Variants in CPNE8 observed in about 807,000 individuals in gnomAD.
The protein encoded by CPNE8 is copine 8.
A neutral mutation model predicts 81.5 loss-of-function variants in CPNE8; 45 were observed. The observed-to-expected ratio is 0.55, with a 90% CI of 0.44 to 0.71. The LOEUF is 0.71. Ranked by LOEUF, CPNE8 falls within the 30% of genes least tolerant of loss-of-function variation. The probability of loss-of-function intolerance (pLI) is 0.00; values close to 1 mark genes in which losing one functional copy is unlikely to be tolerated. For synonymous variants in CPNE8, 252 were observed against 226.3 expected (o/e 1.11, Z -1.02); for missense variants, 594 against 672.1 (o/e 0.88, Z 1.28).
intron 6 of CPNE8, among the ~76,000 whole-genome samples, chr12:38,812,720 G>A (rs746538417): frequency 4.6e-5 from 7 of 152,146 alleles, no homozygotes; most frequent in African/African-American, 1.4e-4. Context: ...ATGGATTAAC[G>A]CCACTATTAA....
intron 3 of CPNE8, among the ~76,000 whole-genome samples, chr12:38,858,795 A>C (rs1274985076): frequency 1.3e-5 from 2 of 152,184 alleles, no homozygotes; most frequent in Non-Finnish European, 1.5e-5. Context: ...TTCCTGTGAT[A>C]CAAGGATGAT....
chr12:38,771,557 G>A (rs1941803795), intron 7 of CPNE8, among the ~76,000 whole-genome samples: 1 of 152,038 alleles, frequency 6.6e-6, no homozygotes, highest in Non-Finnish European at 1.5e-5. Flanking sequence ...TATAAAATTT[G>A]CATTTGAATA....
At chr12:38,900,241 G>C (rs1944440724) in intron 1 of CPNE8, among the ~76,000 whole-genome samples, 1 of 152,072 alleles carries the variant, frequency 6.6e-6, no homozygotes, top group South Asian at 2.1e-4. Context: ...GAAACCAAGA[G>C]ATGAAAATAA....
chr12:38,712,188 T>C (rs1217911735), intron 13 of CPNE8, among the ~76,000 whole-genome samples: 2 of 151,238 alleles, frequency 1.3e-5, no homozygotes, highest in Non-Finnish European at 2.9e-5. Flanking sequence ...TAGCAACATA[T>C]CCAATGCAAT....
chr12:38,812,636 A>G (rs1258741566), intron 6 of CPNE8, among the ~76,000 whole-genome samples: 4 of 152,196 alleles, frequency 2.6e-5, no homozygotes, highest in Non-Finnish European at 5.9e-5. Flanking sequence ...GACTGGGGAC[A>G]TGGCCAAACC....
chr12:38,687,910 T>C (rs1052627055), intron 15 of CPNE8, among the ~76,000 whole-genome samples: 2 of 152,306 alleles, frequency 1.3e-5, no homozygotes, highest in South Asian at 4.1e-4. Flanking sequence ...GAAAACAGAA[T>C]GTAAAAGATA....
At chr12:38,889,376 C>A in intron 1 of CPNE8, among the ~76,000 whole-genome samples, 1 of 152,136 alleles carries the variant, frequency 6.6e-6, no homozygotes, top group East Asian at 1.9e-4. Context: ...GGTGAGATAA[C>A]AACGTGAGGC....
intron 16 of CPNE8, among the ~76,000 whole-genome samples, chr12:38,682,307 C>G (rs1336876806): frequency 6.6e-6 from 1 of 152,194 alleles, no homozygotes; most frequent in Non-Finnish European, 1.5e-5. Context: ...CCTATAATCC[C>G]AGCACTTTGG....
chr12:38,769,434 G>A (rs922334489), intron 7 of CPNE8, among the ~76,000 whole-genome samples: 1 of 151,964 alleles, frequency 6.6e-6, no homozygotes, highest in Non-Finnish European at 1.5e-5. Flanking sequence ...TAGAAGTAGT[G>A]AAATAATCAT....
At chr12:38,769,934 T>G (rs1253014429) in intron 7 of CPNE8, among the ~76,000 whole-genome samples, 1 of 152,194 alleles carries the variant, frequency 6.6e-6, no homozygotes, top group African/African-American at 2.4e-5. Flanking sequence ...ATTACTCAGG[T>G]TAACAACTTA....
chr12:38,738,701 A>G (rs948024865), intron 10 of CPNE8, among the ~76,000 whole-genome samples: 3 of 152,188 alleles, frequency 2.0e-5, no homozygotes, highest in Non-Finnish European at 2.9e-5. Context: ...TTTTAATATT[A>G]ACTTAAAAGT....
chr12:38,797,459 C>G (rs74397878), intron 6 of CPNE8, among the ~76,000 whole-genome samples: 1 of 152,166 alleles, frequency 6.6e-6, no homozygotes, highest in Non-Finnish European at 1.5e-5. Context: ...GGACCTCCAG[C>G]AAACTCCAAC....
intron 6 of CPNE8, among the ~76,000 whole-genome samples, chr12:38,794,585 C>G (rs1942409337): frequency 6.6e-6 from 1 of 151,334 alleles, no homozygotes; most frequent in African/African-American, 2.4e-5. Context: ...AAATGGAAAT[C>G]AGATCCACAA....
chr12:38,701,093 G>A (rs1014225628), intron 14 of CPNE8, among the ~76,000 whole-genome samples: 4 of 151,974 alleles, frequency 2.6e-5, no homozygotes, highest in African/African-American at 9.7e-5. Flanking sequence ...ACTTTGTTTG[G>A]GTGTGTAATT....
chr12:38,709,519 C>T (rs1213542406), intron 13 of CPNE8, among the ~76,000 whole-genome samples: 11 of 152,172 alleles, frequency 7.2e-5, no homozygotes, highest in Non-Finnish European at 1.3e-4. Context: ...CAATCTTCTG[C>T]AGCTCACTTG....
chr12:38,905,525 G>A lies in CPNE8; in HGVS notation c.10C>T (p.Arg4Cys). 1.3e-6 allele frequency: 2 copies of A among 1,565,280 alleles called. No individual in the cohort carries two copies. Among genetic ancestry groups the A allele is most frequent in the Non-Finnish European group, 1.7e-6 (2 of 1,155,026 alleles). The change falls in exon 1 of 20, where the codon CGC (arginine) becomes TGC (cysteine). Residue 4 changes from arginine (R) to cysteine (C), a missense_variant. Arg to Cys is a radical substitution (Grantham distance 180). Transcript: ENST00000331366. Reference protein sequence around the residue: MDSRYNSTAGIGDL... With the variant: MDSCYNSTAGIGDL... The stretch of plus-strand genomic sequence containing the variant: ...CCGATGCCCGCAGTGCTGTTGTAGC[G>A]GCTGTCCATATTGGGAGGAGGCGCC...
In CPNE8 at chr12:38,767,625, A is replaced by G; in HGVS notation, c.575+10T>C. The G allele has an allele frequency of 6.7e-7, 1 of 1,499,500 alleles. No individual in the cohort carries two copies. Among genetic ancestry groups the G allele is most frequent in the Non-Finnish European group, 9.0e-7 (1 of 1,113,776 alleles). 92.9% of individuals were successfully genotyped at this position (1,499,500 alleles called of 1,614,324 possible). A position where few individuals can be genotyped will look rare whatever the true frequency, so the allele number is the denominator to read the frequency against. ...ACCATATAGTTGAAATGCATAAAAG[A>G]TAAATCTACCTGCCATCTTCATTAC... is the stretch of plus-strand genomic sequence containing the variant. On this transcript the variant is annotated intron_variant, in intron 8 of 19. Coordinates refer to ENST00000331366, the MANE Select transcript of CPNE8 (RefSeq NM_153634.3).
rs1254933375 is a variant in CPNE8 at position 38,652,891 on chromosome 12, G to A, written c.*991C>T. The A allele has an allele frequency of 6.6e-6, 1 of 152,618 alleles. No homozygotes were observed. Among genetic ancestry groups the A allele is most frequent in the Non-Finnish European group, 1.5e-5 (1 of 68,034 alleles). The allele number at this position is 152,618 out of a possible 1,614,324, so 9.5% of individuals were successfully genotyped here. A position where few individuals can be genotyped will look rare whatever the true frequency, so the allele number is the denominator to read the frequency against. ...GAATTTCACAAAAGACTTCCAGCCT[G>A]TGCACCTTGTGTGGCAACGTGGAAT... On this transcript the variant is annotated 3_prime_UTR_variant, in exon 20 of 20. Coordinates refer to ENST00000331366, the MANE Select transcript of CPNE8 (RefSeq NM_153634.3).
chr12:38,730,257 C>T (rs1287143445), intron 11 of CPNE8, 26 bp downstream of exon 11: 2 of 1,361,914 alleles, frequency 1.5e-6, no homozygotes, highest in South Asian at 1.2e-5. Context: ...TAGAAAAAAA[C>T]AATGGTAAAA....
Sources: gnomAD v4.1 joint callset for allele counts (sites outside exome capture counted in the v4.1 genomes callset) on GRCh38, gnomAD v4.1.1 for gene constraint, MANE v1.5 for transcripts, NCBI Gene and HGNC (gene_info 2026-07-23, HGNC 2026-07-21) for gene names.